MIS18BP1: variants seen among roughly 807,000 people sequenced by gnomAD.
The protein encoded by MIS18BP1 is MIS18 binding protein 1.
A neutral mutation model predicts 116.1 loss-of-function variants in MIS18BP1; 72 were observed. That is an observed-to-expected ratio of 0.62 (90% CI 0.51 to 0.75). The LOEUF is 0.75. Ranked by LOEUF, MIS18BP1 falls within the 30% of genes least tolerant of loss-of-function variation. The pLI is 0.00. For missense variants in MIS18BP1, 1,363 were observed against 1,303.2 expected, an observed-to-expected ratio of 1.05 and a Z score of -0.71; for synonymous variants, 386 against 427.0, an observed-to-expected ratio of 0.90 and a Z score of 1.18.
At position 45,204,117 on chromosome 14, in the gene MIS18BP1, A is replaced by T. The variant is rs780591999; in HGVS notation, c.3391T>A (p.Ser1131Thr). The change falls in exon 17 of 17, where the codon TCT becomes ACT. Residue 1131 changes from serine (S) to threonine (T), a missense_variant. Ser to Thr is a moderately conservative substitution (Grantham distance 58). Transcript: ENST00000310806. ...CATATTTTCTCATTTTACTATGCAG[A>T]ATCAGAGTTCGAAAAATAATAATCT... ...EKDYYFSNSD[S>T]A 38 of 1,609,170 alleles carry T rather than the reference A, an allele frequency of 2.4e-5. No individual in the cohort carries two copies. Among genetic ancestry groups the T allele is most frequent in the Middle Eastern group, 3.3e-4 (2 of 6,068 alleles).
intron 13 of MIS18BP1, 48 bp downstream of exon 13, chr14:45,216,971 T>C (rs1240811374): frequency 1.9e-6 from 3 of 1,578,592 alleles, no homozygotes; most frequent in Admixed American, 1.8e-5. Context: ...AAATGAAAGA[T>C]ACAAAAGTCA....
At chr14:45,238,115 G>GTTTTTTTTT (rs35409821) in intron 4 of MIS18BP1, among the ~76,000 whole-genome samples, 1 of 138,328 alleles carries the variant, frequency 7.2e-6, no homozygotes. Context: ...AAAATTAAGA[G>GTTTTTTTTT]TTTTTTTTTT....
chr14:45,248,073 T>TA (rs1891772911), intron 1 of MIS18BP1, among the ~76,000 whole-genome samples: 1 of 150,010 alleles, frequency 6.7e-6, no homozygotes, highest in Non-Finnish European at 1.5e-5. Context: ...TTTTTTTTTT[T>TA]CTTTTTTTGG....
At chr14:45,244,146 GCTTT>G (rs1891664383) in intron 2 of MIS18BP1, among the ~76,000 whole-genome samples, 1 of 152,006 alleles carries the variant, frequency 6.6e-6, no homozygotes, top group African/African-American at 2.4e-5. Flanking sequence ...AAGAACATGG[GCTTT>G]CTAACAGATA....
At chr14:45,237,881 A>G (rs1891470960) in intron 4 of MIS18BP1, among the ~76,000 whole-genome samples, 160 bp from the exon 5 acceptor site, 1 of 152,228 alleles carries the variant, frequency 6.6e-6, no homozygotes, top group East Asian at 1.9e-4. Context: ...AGCAATAGGT[A>G]AAATTCTTGT....
intron 6 of MIS18BP1, among the ~76,000 whole-genome samples, chr14:45,233,354 G>A (rs985175116): frequency 1.3e-5 from 2 of 152,114 alleles, no homozygotes; most frequent in South Asian, 2.1e-4. Context: ...GAGGCAGTAG[G>A]AAGCATGAGA....
intron 14 of MIS18BP1, among the ~76,000 whole-genome samples, chr14:45,207,600 G>A (rs1262842795): frequency 2.0e-5 from 3 of 152,126 alleles, no homozygotes; most frequent in Admixed American, 6.6e-5. Flanking sequence ...GTAGTGAGCC[G>A]AGATTGTGCC....
rs779504885 is a variant in MIS18BP1, at chr14:45,242,351, C to T, written c.826G>A (p.Ala276Thr). 3 of 1,614,012 alleles carry T rather than the reference C, an allele frequency of 1.9e-6. No individual in the cohort carries two copies. In the South Asian group the frequency reaches 3.3e-5, roughly 18 times the overall value. The change falls in exon 4 of 17, where the codon GCT becomes ACT. Residue 276 changes from alanine to threonine, a missense_variant. Transcript: ENST00000310806. ...DTFVLESVDSADEQFQNTNAE... is the reference protein window; with the variant it reads ...DTFVLESVDSTDEQFQNTNAE... ...TTAGTATTTTGAAATTGTTCATCAGCAGAATCAACGCTTTCTAAAACAAAC... is the reference window on the plus strand; with the variant it reads ...TTAGTATTTTGAAATTGTTCATCAGTAGAATCAACGCTTTCTAAAACAAAC...
At chr14:45,205,914 G>A (rs1890502550) in intron 15 of MIS18BP1, among the ~76,000 whole-genome samples, 169 bp downstream of exon 15, 1 of 152,124 alleles carries the variant, frequency 6.6e-6, no homozygotes, top group Non-Finnish European at 1.5e-5. Flanking sequence ...GATGCCATCT[G>A]TAATCCTACA....
intron 2 of MIS18BP1, among the ~76,000 whole-genome samples, chr14:45,246,111 C>T (rs1361853806): frequency 6.6e-6 from 1 of 152,174 alleles, no homozygotes; most frequent in East Asian, 1.9e-4. Flanking sequence ...TGTCATTGTA[C>T]ACAGTGGTTA....
In MIS18BP1 at chr14:45,232,794, A is replaced by G. The variant is rs1165336708; in HGVS notation, c.1375T>C (p.Phe459Leu). The part of the protein sequence containing the change: ...AGYPNYLIRK[F>L]MFGFPENWKE... ...CAATTTTCTGGAAATCCAAACATAA[A>G]TTTCCTTATGAGATAATTTGGATAT... Residue 459 changes from phenylalanine to leucine, a missense_variant, in exon 7 of 17, where the codon TTT becomes CTT. Physicochemically the swap from Phe to Leu is conservative, Grantham distance 22 (BLOSUM62 0). Coordinates refer to ENST00000310806, the MANE Select transcript of MIS18BP1 (RefSeq NM_018353.5). 4 of 1,463,292 alleles carry G rather than the reference A, an allele frequency of 2.7e-6. No homozygotes were observed. Among genetic ancestry groups the G allele is most frequent in the African/African-American group, 1.4e-5 (1 of 70,862 alleles). The allele number at this position is 1,463,292 out of a possible 1,614,324, so 90.6% of individuals were successfully genotyped here.
In MIS18BP1 at chr14:45,204,194, C is replaced by T. The variant is rs375694149; in HGVS notation, c.3314G>A (p.Gly1105Asp). The stretch of plus-strand genomic sequence containing the variant: ...AGCATTAGTGAAAAGTTTTCCAATA[C>T]CAGAGTTTTCTCCTAAGTCTGTAAA... ...PFNTDLGENS[G>D]IGKLFTNAVE... Residue 1105 changes from glycine (G) to aspartate (D), a missense_variant, in exon 17 of 17, where the codon GGT becomes GAT. Transcript: ENST00000310806. 1 of 1,609,494 alleles carries T rather than the reference C, an allele frequency of 6.2e-7. No individual in the cohort carries two copies. The highest frequency in any genetic ancestry group is 1.1e-5 in the South Asian group (1 of 89,854).
chr14:45,226,230 A>C (rs1290031888), intron 10 of MIS18BP1, among the ~76,000 whole-genome samples: 1 of 152,194 alleles, frequency 6.6e-6, no homozygotes, highest in Non-Finnish European at 1.5e-5. Flanking sequence ...ATCTTCTTCA[A>C]ACAAATAAAT....
At chr14:45,235,364 A>AT (rs1891395344) in intron 6 of MIS18BP1, among the ~76,000 whole-genome samples, 3 of 151,958 alleles carry the variant, frequency 2.0e-5, no homozygotes, top group South Asian at 4.2e-4. Flanking sequence ...CTATTGCATC[A>AT]TTTTTTTGTG....
At chr14:45,244,939 A>C (rs1315765494) in intron 2 of MIS18BP1, among the ~76,000 whole-genome samples, 2 of 152,210 alleles carry the variant, frequency 1.3e-5, no homozygotes, top group African/African-American at 4.8e-5. Context: ...GCATCATACT[A>C]GCAACTTCAA....
rs751544475 is a variant in MIS18BP1 at position 45,210,396 on chromosome 14, G to A, written c.3136C>T (p.Leu1046=). The A allele has an allele frequency of 1.1e-5, 17 of 1,613,576 alleles. No individual in the cohort carries two copies. In the Admixed American group the frequency reaches 2.8e-4, roughly 27 times the overall value. ...PQCQHVSPGM[L]GSINRNDCDK... is the part of the protein sequence containing the mutation. ...AATATTTACCTATTTATAGAACCTA[G>A]CATGCCAGGACTGACATGCTGACAT... The change falls in exon 14 of 17, where the codon CTA becomes TTA. Residue 1046 remains leucine (L), a synonymous_variant. Coordinates refer to ENST00000310806, the MANE Select transcript of MIS18BP1 (RefSeq NM_018353.5).
At chr14:45,234,299 C>A (rs750946126) in intron 6 of MIS18BP1, among the ~76,000 whole-genome samples, 1 of 150,654 alleles carries the variant, frequency 6.6e-6, no homozygotes, top group Admixed American at 6.6e-5. Flanking sequence ...AATTGTTTTG[C>A]TATAAATGAG....
At chr14:45,221,446 T>TAAATA (rs972691164) in intron 11 of MIS18BP1, among the ~76,000 whole-genome samples, 33 of 151,342 alleles carry the variant, frequency 2.2e-4, no homozygotes, top group African/African-American at 5.9e-4. Flanking sequence ...CAAAAATAAA[T>TAAATA]AAATAAAATA....
At chr14:45,217,312 G>A in intron 12 of MIS18BP1, 133 bp from the exon 13 acceptor site, 1 of 941,142 alleles carries the variant, frequency 1.1e-6, no homozygotes, top group Non-Finnish European at 1.6e-6. Flanking sequence ...GCCTTGGCCA[G>A]GCTCAGTGGC....
Sources: allele counts gnomAD v4.1 joint callset (sites outside exome capture counted in the v4.1 genomes callset), GRCh38; gene constraint gnomAD v4.1.1; transcripts MANE v1.5; gene names NCBI Gene and HGNC (gene_info 2026-07-23, HGNC 2026-07-21).